NBEA: variants seen among roughly 807,000 people sequenced by gnomAD.
NBEA encodes neurobeachin.
Under a neutral mutation model 343.4 loss-of-function variants are expected in NBEA, and 44 were observed. The ratio of observed to expected loss-of-function variants is 0.13; its 90% CI spans 0.10 to 0.16. The LOEUF (loss-of-function observed/expected upper bound fraction) is 0.16. Ranked by LOEUF, NBEA falls within the 10% of genes least tolerant of loss-of-function variation. NBEA has a pLI of 1.00. For missense variants in NBEA, 2,555 were observed against 3,631.3 expected, an observed-to-expected ratio of 0.70 and a Z score of 7.62; for synonymous variants, 1,175 against 1,238.7, an observed-to-expected ratio of 0.95 and a Z score of 1.08.
chr13:35,150,793 T>TTAGAGTAGAGTAGAGTAGAGTAGAG (rs71078083), intron 18 of NBEA, among the ~76,000 whole-genome samples: 6,506 of 148,278 alleles, frequency 0.044, 177 homozygotes, highest in Non-Finnish European at 0.057. Context: ...TAATGATATT[T>TTAGAGTAGAGTAGAGTAGAGTAGAG]TAGAGTAGAG....
intron 46 of NBEA, among the ~76,000 whole-genome samples, chr13:35,588,694 A>T (rs769228523): frequency 2.0e-5 from 3 of 152,172 alleles, no homozygotes; most frequent in Admixed American, 1.3e-4. Context: ...GTTTCTTCAG[A>T]TATTAATATT....
chr13:35,616,118 G>A (rs1405994262), intron 48 of NBEA, among the ~76,000 whole-genome samples: 4 of 152,124 alleles, frequency 2.6e-5, no homozygotes, highest in Non-Finnish European at 5.9e-5. Context: ...GGAGTCTGAG[G>A]CCTAGGAAGG....
chr13:35,124,247 G>A (rs543483106), intron 17 of NBEA, among the ~76,000 whole-genome samples: 3 of 145,656 alleles, frequency 2.1e-5, no homozygotes, highest in South Asian at 2.2e-4. Context: ...CCTCATTTTC[G>A]CCCTTGTTTT....
chr13:35,251,121 TG>T, intron 34 of NBEA: 1 of 210,130 alleles, frequency 4.8e-6, no homozygotes, highest in Non-Finnish European at 1.0e-5. Context: ...TTCTATAATG[TG>T]GATGCTGGGC....
rs139296812 is a variant in NBEA, at chr13:35,498,998, T to C, written c.6585+26462T>C. ...ACACCAGGCAATTGAAGAATAGGTA[T>C]TATTTCTGGCCTTGGTTCTATAACC... On this transcript the variant is annotated intron_variant, in intron 41 of 58. Coordinates refer to ENST00000379939, the MANE Select transcript of NBEA (RefSeq NM_001385012.1). Among the ~76,000 whole-genome samples the C allele has an allele frequency of 3.4e-3, 511 of 152,232 alleles. 3 individuals carry two copies. Among genetic ancestry groups the C allele is most frequent in the African/African-American group, 0.011 (471 of 41,574 alleles).
chr13:35,605,847 CTG>C (rs890776086), intron 47 of NBEA, among the ~76,000 whole-genome samples: 4 of 152,056 alleles, frequency 2.6e-5, no homozygotes, highest in Non-Finnish European at 4.4e-5. Flanking sequence ...ATATTTAAAA[CTG>C]TTTATCATAT....
At chr13:35,392,491 T>G (rs1188976140) in intron 38 of NBEA, among the ~76,000 whole-genome samples, 1 of 151,778 alleles carries the variant, frequency 6.6e-6, no homozygotes, top group Non-Finnish European at 1.5e-5. Context: ...TTTGTTTTTT[T>G]TTTTTGCCTT....
At chr13:34,983,212 C>T (rs564718213) in intron 1 of NBEA, among the ~76,000 whole-genome samples, 17 of 152,200 alleles carry the variant, frequency 1.1e-4, no homozygotes, top group Non-Finnish European at 7.4e-5. Context: ...TGATGTTCCC[C>T]GCCCTGTGTC....
chr13:35,666,631 T>C (rs961935481), intron 56 of NBEA, among the ~76,000 whole-genome samples: 1 of 152,180 alleles, frequency 6.6e-6, no homozygotes, highest in African/African-American at 2.4e-5. Context: ...ACGTAATTCA[T>C]ACATTGTTTT....
At chr13:35,374,662 A>G (rs1003061007) in intron 38 of NBEA, among the ~76,000 whole-genome samples, 2 of 152,162 alleles carry the variant, frequency 1.3e-5, no homozygotes, top group African/African-American at 4.8e-5. Flanking sequence ...TTGGTAATAA[A>G]TTTAAAAGGA....
At chr13:35,440,975 T>A (rs1212377975) in intron 39 of NBEA, among the ~76,000 whole-genome samples, 1 of 152,228 alleles carries the variant, frequency 6.6e-6, no homozygotes, top group Non-Finnish European at 1.5e-5. Context: ...TCCCAGGATA[T>A]GTATTCTATG....
intron 55 of NBEA, among the ~76,000 whole-genome samples, chr13:35,660,063 C>T (rs2085008022): frequency 1.3e-5 from 2 of 152,178 alleles, no homozygotes; most frequent in African/African-American, 4.8e-5. Flanking sequence ...TATTACAACC[C>T]ATCTCTGACT....
intron 38 of NBEA, among the ~76,000 whole-genome samples, chr13:35,397,449 T>C (rs1478117990): frequency 2.0e-5 from 3 of 152,202 alleles, no homozygotes; most frequent in South Asian, 2.1e-4. Context: ...TACTTAACCT[T>C]ATCCACAAGT....
chr13:35,076,547 T>C (rs933624524), intron 10 of NBEA, among the ~76,000 whole-genome samples: 3 of 152,094 alleles, frequency 2.0e-5, no homozygotes, highest in Non-Finnish European at 2.9e-5. Context: ...TTGTGTTGTT[T>C]AGTTTTCAAC....
intron 38 of NBEA, among the ~76,000 whole-genome samples, chr13:35,378,478 A>C (rs1468943596): frequency 1.3e-5 from 2 of 152,148 alleles, no homozygotes; most frequent in Non-Finnish European, 2.9e-5. Flanking sequence ...TTAGCCTTAT[A>C]CTTTATTTTT....
chr13:35,476,770 G>C (rs914254643), intron 41 of NBEA: 98 of 1,040,580 alleles, frequency 9.4e-5, no homozygotes, highest in Non-Finnish European at 1.1e-4. Flanking sequence ...GGCTCGTCAC[G>C]ACAGCCTCCT....
chr13:35,548,569 T>G (rs2079169360), intron 41 of NBEA, among the ~76,000 whole-genome samples: 2 of 152,178 alleles, frequency 1.3e-5, no homozygotes, highest in African/African-American at 4.8e-5. Flanking sequence ...TTTTCTGATA[T>G]TATATTCACT....
chr13:35,434,144 A>T (rs976527539), intron 39 of NBEA, among the ~76,000 whole-genome samples: 1 of 152,080 alleles, frequency 6.6e-6, no homozygotes, highest in African/African-American at 2.4e-5. Context: ...TGTGTGTTTA[A>T]TTTGTAAAAT....
chr13:35,306,890 C>T (rs918989969), intron 35 of NBEA, among the ~76,000 whole-genome samples: 2 of 152,028 alleles, frequency 1.3e-5, no homozygotes, highest in East Asian at 3.9e-4. Context: ...ATATTTGATC[C>T]TCGTTTTGTT....
Sources: allele counts gnomAD v4.1 joint callset (sites outside exome capture counted in the v4.1 genomes callset), GRCh38; gene constraint gnomAD v4.1.1; transcripts MANE v1.5; gene names NCBI Gene and HGNC (gene_info 2026-07-23, HGNC 2026-07-21).